Variants in ZBTB16 observed in about 807,000 individuals in gnomAD.
The protein encoded by ZBTB16 is zinc finger and BTB domain-containing protein 16.
A neutral mutation model predicts 56.8 loss-of-function variants in ZBTB16; 8 were observed. That is an observed-to-expected ratio of 0.14 (90% confidence interval 0.08 to 0.25). The LOEUF is 0.25. ZBTB16 is among the 10% of genes least tolerant of loss of function. ZBTB16 has a pLI of 1.00. For missense variants in ZBTB16, 625 were observed against 903.0 expected, an observed-to-expected ratio of 0.69 and a Z score of 3.95; for synonymous variants, 363 against 368.5, an observed-to-expected ratio of 0.98 and a Z score of 0.17.
chr11:114,093,002 C>T (rs1940246534), intron 2 of ZBTB16, among the ~76,000 whole-genome samples: 1 of 152,160 alleles, frequency 6.6e-6, no homozygotes, highest in African/African-American at 2.4e-5. Context: ...ACACACACCA[C>T]ACCACACCCC....
At chr11:114,074,451 C>T (rs574906182) in intron 2 of ZBTB16, among the ~76,000 whole-genome samples, 1 of 152,312 alleles carries the variant, frequency 6.6e-6, no homozygotes, top group East Asian at 1.9e-4. Flanking sequence ...TTTATTTAAG[C>T]TGTTCAGCAG....
chr11:114,089,864 G>T (rs1489775700), intron 2 of ZBTB16, among the ~76,000 whole-genome samples: 2 of 152,202 alleles, frequency 1.3e-5, no homozygotes, highest in Non-Finnish European at 2.9e-5. Flanking sequence ...CCACGTAAAG[G>T]TTCAGAGGTT....
intron 6 of ZBTB16, among the ~76,000 whole-genome samples, chr11:114,249,921 A>G (rs1419240785): frequency 6.6e-6 from 1 of 151,872 alleles, no homozygotes; most frequent in African/African-American, 2.4e-5. Context: ...CTCTGGACGG[A>G]ACTGTGGCTT....
intron 4 of ZBTB16, among the ~76,000 whole-genome samples, chr11:114,219,266 C>CA (rs1944175820): frequency 6.6e-6 from 1 of 152,088 alleles, no homozygotes; most frequent in Admixed American, 6.6e-5. Context: ...TAGTTAAATA[C>CA]AAAAACAAAA....
rs78460118 is a variant in ZBTB16, at chr11:114,103,985, T to C, written c.1268+39417T>C. 6.0e-3 allele frequency among the ~76,000 whole-genome samples: 921 copies of C among 152,304 alleles called. 8 individuals carry two copies. The highest frequency in any genetic ancestry group is 0.02 in the African/African-American group (845 of 41,566). On this transcript the variant is annotated intron_variant, in intron 2 of 6. Coordinates refer to ENST00000335953, the MANE Select transcript of ZBTB16 (RefSeq NM_006006.6). ...GTGGGTTATCCACATCAGTTTCTTC[T>C]CTCTTCTCATCCTCCCTCCTTCCTC... is the stretch of plus-strand genomic sequence containing the variant.
At chr11:114,136,546 A>G (rs186236584) in intron 2 of ZBTB16, among the ~76,000 whole-genome samples, 33 of 152,214 alleles carry the variant, frequency 2.2e-4, no homozygotes, top group East Asian at 9.6e-4. Context: ...TCCCCCTACT[A>G]TTGCAACATT....
chr11:114,211,453 G>T (rs552701838), intron 4 of ZBTB16, among the ~76,000 whole-genome samples: 1 of 152,314 alleles, frequency 6.6e-6, no homozygotes, highest in South Asian at 2.1e-4. Flanking sequence ...GCCTCCTAGA[G>T]TTATTTTTGA....
rs1223415234 is a variant in ZBTB16, at chr11:114,064,319, A to G, written c.1019A>G (p.His340Arg). ...HLGIYSVLPN[H>R]KADAVLSMPS... is the part of the protein sequence containing the mutation. ...GGCATCTACTCCGTGTTGCCCAACC[A>G]CAAGGCTGACGCTGTATTGAGCATG... is the stretch of plus-strand genomic sequence containing the variant. The change falls in exon 2 of 7, where the codon CAC becomes CGC. Residue 340 changes from histidine (H) to arginine (R), a missense_variant. By Grantham distance (29) the His-to-Arg change is conservative (BLOSUM62 0). Transcript: ENST00000335953. The surrounding 1 kb of genome is among the most constrained non-coding windows in gnomAD (Gnocchi z 4.2). 2 of 1,613,922 alleles carry G rather than the reference A, an allele frequency of 1.2e-6. No homozygotes were observed. The highest frequency in any genetic ancestry group is 1.7e-6 in the Non-Finnish European group (2 of 1,180,028).
At chr11:114,109,754 C>A (rs112582352) in intron 2 of ZBTB16, among the ~76,000 whole-genome samples, 1 of 152,162 alleles carries the variant, frequency 6.6e-6, no homozygotes, top group Non-Finnish European at 1.5e-5. Context: ...ATCCTTCCAG[C>A]AGTCCTGACA....
At chr11:114,111,156 C>CAT (rs113987370) in intron 2 of ZBTB16, among the ~76,000 whole-genome samples, 3 of 148,848 alleles carry the variant, frequency 2.0e-5, no homozygotes, top group African/African-American at 7.4e-5. Context: ...ATCTGTGCTG[C>CAT]GTGTGTGTGT....
chr11:114,229,810 T>C (rs573715644), intron 4 of ZBTB16, among the ~76,000 whole-genome samples: 4 of 152,284 alleles, frequency 2.6e-5, no homozygotes, highest in African/African-American at 9.6e-5. Context: ...TTTTAGCTTT[T>C]TAGAAGGATG....
At chr11:114,163,674 C>T (rs1942661062) in intron 3 of ZBTB16, among the ~76,000 whole-genome samples, 1 of 152,066 alleles carries the variant, frequency 6.6e-6, no homozygotes, top group South Asian at 2.1e-4. Flanking sequence ...ACCTACAGCC[C>T]CTGTGTGAAG....
chr11:114,135,967 C>A (rs984180323), intron 2 of ZBTB16, among the ~76,000 whole-genome samples: 2 of 152,158 alleles, frequency 1.3e-5, no homozygotes, highest in Non-Finnish European at 2.9e-5. Flanking sequence ...TTCTCTGTAC[C>A]CCTCACTTCC....
chr11:114,066,307 C>T (rs778084133), intron 2 of ZBTB16, among the ~76,000 whole-genome samples: 25 of 152,090 alleles, frequency 1.6e-4, no homozygotes, highest in Non-Finnish European at 3.4e-4. Context: ...TAAACGTAGC[C>T]GACTTTTTCC....
intron 2 of ZBTB16, among the ~76,000 whole-genome samples, chr11:114,108,901 C>G (rs1940901250): frequency 6.6e-6 from 1 of 152,222 alleles, no homozygotes; most frequent in Non-Finnish European, 1.5e-5. Flanking sequence ...TTGGGACAGG[C>G]TGGCCTCAGT....
chr11:114,221,488 A>G (rs1944231791), intron 4 of ZBTB16, among the ~76,000 whole-genome samples: 1 of 152,238 alleles, frequency 6.6e-6, no homozygotes, highest in South Asian at 2.1e-4. Flanking sequence ...AGGCCACTGA[A>G]GACACCTTAG....
intron 2 of ZBTB16, among the ~76,000 whole-genome samples, chr11:114,104,414 C>T (rs1940718395): frequency 6.6e-6 from 1 of 152,230 alleles, no homozygotes; most frequent in Admixed American, 6.5e-5. Context: ...ATTTCTTACT[C>T]TTCCTGGATC....
chr11:114,069,990 A>G (rs568555360), intron 2 of ZBTB16, among the ~76,000 whole-genome samples: 1 of 152,024 alleles, frequency 6.6e-6, no homozygotes, highest in African/African-American at 2.4e-5. Context: ...GCTTAGTTTG[A>G]ATATTCATAT....
intron 6 of ZBTB16, among the ~76,000 whole-genome samples, chr11:114,248,955 A>G (rs1159268461): frequency 6.6e-6 from 1 of 152,154 alleles, no homozygotes; most frequent in South Asian, 2.1e-4. Context: ...GAGTATTGAT[A>G]GCGAGATGGC....
Sources: gnomAD v4.1 joint callset for allele counts (sites outside exome capture counted in the v4.1 genomes callset) on GRCh38, gnomAD v4.1.1 for gene constraint, Gnocchi (gnomAD v3.1) non-coding constraint, MANE v1.5 for transcripts, NCBI Gene and HGNC (gene_info 2026-07-23, HGNC 2026-07-21) for gene names.